DNAH7: variants seen among roughly 807,000 people sequenced by gnomAD.
The protein encoded by DNAH7 is dynein axonemal heavy chain 7.
A neutral mutation model predicts 444.6 loss-of-function variants in DNAH7; 397 were observed. The observed-to-expected ratio is 0.89, with a 90% CI of 0.82 to 0.97. The LOEUF (loss-of-function observed/expected upper bound fraction) is 0.97, where lower values mean the gene tolerates loss of function less well. Ranked by LOEUF, DNAH7 falls within the 50% of genes least tolerant of loss-of-function variation. The probability of loss-of-function intolerance (pLI) is 0.00; values close to 1 mark genes in which losing one functional copy is unlikely to be tolerated. For missense variants in DNAH7, 4,902 were observed against 4,800.8 expected (o/e 1.02, Z -0.62); for synonymous variants, 1,636 against 1,624.4 (o/e 1.01, Z -0.17).
chr2:195,897,777 A>G lies in DNAH7; in HGVS notation c.4549-12T>C. 6.6e-7 allele frequency: 1 copy of G among 1,523,530 alleles called. No homozygotes were observed. Among genetic ancestry groups the G allele is most frequent in the Non-Finnish European group, 9.0e-7 (1 of 1,116,110 alleles). 94.4% of individuals were successfully genotyped at this position (1,523,530 alleles called of 1,614,324 possible). A position where few individuals can be genotyped will look rare whatever the true frequency, so the allele number is the denominator to read the frequency against. ...TTTGGATATTTCAGCTAAAAAAAAA[A>G]AAAAAAACTCATGAGGATATCTGCA... On this transcript the variant is annotated splice_polypyrimidine_tract_variant and intron_variant, in intron 28 of 64. Transcript: ENST00000312428.
intron 1 of DNAH7, among the ~76,000 whole-genome samples, chr2:196,065,452 T>C (rs928462502): frequency 3.3e-5 from 5 of 152,202 alleles, no homozygotes. Context: ...TTTATAATAA[T>C]GTCTGTGATG....
intron 63 of DNAH7, among the ~76,000 whole-genome samples, chr2:195,746,561 A>C (rs1341670662): frequency 5.4e-4 from 82 of 152,272 alleles, no homozygotes; most frequent in African/African-American, 1.6e-3. Context: ...CAGCACCGTA[A>C]CACACCTATT....
chr2:195,832,981 G>A (rs1408559299), intron 48 of DNAH7, among the ~76,000 whole-genome samples: 1 of 152,154 alleles, frequency 6.6e-6, no homozygotes, highest in Non-Finnish European at 1.5e-5. Flanking sequence ...TGGGGAAACT[G>A]AGTCTCAGGA....
intron 58 of DNAH7, among the ~76,000 whole-genome samples, chr2:195,786,475 TG>T (rs1381518650): frequency 3.3e-5 from 5 of 152,132 alleles, no homozygotes; most frequent in Admixed American, 1.3e-4. Context: ...ACATCAGAAC[TG>T]GAGAGGCTGA....
intron 57 of DNAH7, among the ~76,000 whole-genome samples, chr2:195,791,875 G>A (rs997460731): frequency 1.3e-5 from 2 of 152,036 alleles, no homozygotes; most frequent in African/African-American, 4.8e-5. Context: ...ACATAAAGAA[G>A]GAAACAATAG....
intron 57 of DNAH7, among the ~76,000 whole-genome samples, chr2:195,793,978 A>C (rs945927492): frequency 4.6e-5 from 7 of 152,176 alleles, no homozygotes; most frequent in African/African-American, 1.7e-4. Context: ...TTATGTTTTA[A>C]TTTAGAGACA....
intron 21 of DNAH7, among the ~76,000 whole-genome samples, chr2:195,931,093 C>T (rs1688661763): frequency 6.6e-6 from 1 of 152,062 alleles, no homozygotes; most frequent in Non-Finnish European, 1.5e-5. Flanking sequence ...TGCTCAGTAC[C>T]TGGGTGATGG....
Position 195,787,122 on chromosome 2 carries a change from A to T in DNAH7, c.10766T>A (p.Val3589Glu), listed in dbSNP as rs1368613195. 6.2e-7 allele frequency: 1 copy of T among 1,610,328 alleles called. No individual in the cohort carries two copies. Among genetic ancestry groups the T allele is most frequent in the Non-Finnish European group, 8.5e-7 (1 of 1,179,116 alleles). The change falls in exon 58 of 65, where the codon GTA becomes GAA. Residue 3589 changes from valine (V) to glutamate (E), a missense_variant. Transcript: ENST00000312428. ...GGGTCCAAATTTCCGTCTTTCTTGT[A>T]CCAAAGCATGAAAGAAACACAGGCC... is the stretch of plus-strand genomic sequence containing the variant. ...LYGLCFFHALVQERRKFGPLG... is the reference protein window; with the variant it reads ...LYGLCFFHALEQERRKFGPLG...
chr2:195,878,023 T>C (rs1257760387), intron 36 of DNAH7, among the ~76,000 whole-genome samples: 6 of 152,202 alleles, frequency 3.9e-5, no homozygotes, highest in Admixed American at 3.9e-4. Flanking sequence ...ATAGATTATT[T>C]CAAGAGGAAT....
intron 17 of DNAH7, among the ~76,000 whole-genome samples, chr2:195,967,204 G>A (rs961504447): frequency 6.6e-6 from 1 of 152,072 alleles, no homozygotes; most frequent in Non-Finnish European, 1.5e-5. Context: ...AGACAATACT[G>A]ATTGCATAAA....
intron 48 of DNAH7, among the ~76,000 whole-genome samples, chr2:195,828,610 A>AT (rs35765183): frequency 0.014 from 1,852 of 135,070 alleles, 23 homozygotes; most frequent in African/African-American, 0.028. Flanking sequence ...ATATATATAT[A>AT]TTTTTTTTTT....
In DNAH7 at chr2:195,737,815, G is replaced by T; in HGVS notation, c.*106C>A. 1 of 957,654 alleles carries T rather than the reference G, an allele frequency of 1.0e-6. No homozygotes were observed. The highest frequency in any genetic ancestry group is 1.5e-6 in the Non-Finnish European group (1 of 651,114). 59.3% of individuals were successfully genotyped at this position (957,654 alleles called of 1,614,324 possible). A position where few individuals can be genotyped will look rare whatever the true frequency, so the allele number is the denominator to read the frequency against. On this transcript the variant is annotated 3_prime_UTR_variant, in exon 65 of 65. Coordinates refer to ENST00000312428, the MANE Select transcript of DNAH7 (RefSeq NM_018897.3). ...AAGTAAATTCATAATTATAACTTTA[G>T]TCAAATGTATTTAAACAAACAAAAA...
chr2:195,922,032 T>C (rs1286807874), intron 24 of DNAH7, 56 bp downstream of exon 24: 2 of 964,500 alleles, frequency 2.1e-6, no homozygotes, highest in African/African-American at 3.3e-5. Context: ...AATAAATCAG[T>C]GGTACAGGGG....
Position 196,000,703 on chromosome 2 carries a change from C to A in DNAH7, c.1353+1G>T, listed in dbSNP as rs757934483. 7.1e-6 allele frequency: 11 copies of A among 1,546,168 alleles called. No individual in the cohort carries two copies. The highest frequency in any genetic ancestry group is 9.6e-6 in the Non-Finnish European group (11 of 1,145,216). On this transcript the variant is annotated splice_donor_variant, in intron 12 of 64. Coordinates refer to ENST00000312428, the MANE Select transcript of DNAH7 (RefSeq NM_018897.3). LOFTEE classifies it high-confidence loss of function. ...GCAATCTTAATATCCTTGTTACTTA[C>A]CCACTTGGAATACAATTTTGTCTCA...
rs1408100437 is a variant in DNAH7 at position 195,872,299 on chromosome 2, G to C, written c.6584C>G (p.Pro2195Arg). ...CACTTCTGTGGTTTCTGTTGTTTCT[G>C]GTCTTGACAAACAAACACCTTGAAT... ...RVIQGVCLSR[P>R]ETTETTEVIK... is the part of the protein sequence containing the mutation. Residue 2195 changes from proline (P) to arginine (R), a missense_variant, in exon 40 of 65, where the codon CCA becomes CGA. Transcript: ENST00000312428. 1.2e-6 allele frequency: 2 copies of C among 1,613,760 alleles called. No individual in the cohort carries two copies. Among genetic ancestry groups the C allele is most frequent in the Admixed American group, 3.3e-5 (2 of 59,986 alleles).
intron 62 of DNAH7, among the ~76,000 whole-genome samples, chr2:195,755,616 TTA>T (rs1468219437): frequency 6.6e-6 from 1 of 152,222 alleles, no homozygotes; most frequent in Non-Finnish European, 1.5e-5. Context: ...TTTTGACACA[TTA>T]TATACAGAAT....
In DNAH7 at chr2:195,934,617, T is replaced by A. The variant is rs1688925319; in HGVS notation, c.3445A>T (p.Arg1149Ter). 1.5e-5 allele frequency: 24 copies of A among 1,614,024 alleles called. No individual in the cohort carries two copies. The highest frequency in any genetic ancestry group is 1.9e-5 in the Non-Finnish European group (23 of 1,179,888). The change falls in exon 21 of 65, where the codon AGA becomes TGA. Residue 1149 changes from arginine (R) to a stop codon, truncating the protein, a stop_gained. Transcript: ENST00000312428. LOFTEE classifies it high-confidence loss of function. ...TTGTGGATGGAGTTAATCATAACTC[T>A]CTCTAATTCAACCAACCACTTCTCC... The part of the protein sequence containing the change: ...QVEKWLVELE[R>*]VMINSIHKVT...
At chr2:195,925,779 C>T (rs1688291754) in intron 22 of DNAH7, among the ~76,000 whole-genome samples, 1 of 152,170 alleles carries the variant, frequency 6.6e-6, no homozygotes, top group South Asian at 2.1e-4. Flanking sequence ...TCTATATTTG[C>T]TAGTTTCCAG....
intron 63 of DNAH7, among the ~76,000 whole-genome samples, chr2:195,751,401 T>G (rs1046852763): frequency 4.6e-5 from 7 of 152,162 alleles, no homozygotes; most frequent in African/African-American, 1.4e-4. Context: ...TTTTTGAAAT[T>G]TCCCCCAGCA....
Sources: gnomAD v4.1 joint callset for allele counts (sites outside exome capture counted in the v4.1 genomes callset) on GRCh38, gnomAD v4.1.1 for gene constraint, MANE v1.5 for transcripts, NCBI Gene and HGNC (gene_info 2026-07-23, HGNC 2026-07-21) for gene names.